The following C8orf58 variants were observed in gnomAD, a reference collection of about 807,000 sequenced individuals.
The protein encoded by C8orf58 is uncharacterized protein C8orf58.
In C8orf58, 31 loss-of-function variants were observed where a neutral mutation model predicts 36.8. The ratio of observed to expected loss-of-function variants is 0.84; its 90% CI spans 0.63 to 1.14. The LOEUF is 1.14. C8orf58 is among the 50% of genes most tolerant of loss of function. The pLI, the probability that C8orf58 is intolerant of heterozygous loss-of-function variation, is 0.00. For synonymous variants in C8orf58, 230 were observed against 200.2 expected (o/e 1.15, Z -1.26); for missense variants, 538 against 480.8 (o/e 1.12, Z -1.11).
rs1220160392 is a variant in C8orf58 at position 22,601,496 on chromosome 8, G to C, written c.516+139G>C. The C allele has an allele frequency of 4.3e-6, 4 of 928,908 alleles. No individual in the cohort carries two copies. In the African/African-American group the frequency reaches 6.7e-5, roughly 16 times the overall value. The allele number at this position is 928,908 out of a possible 1,614,324, so 57.5% of individuals were successfully genotyped here. The stretch of plus-strand genomic sequence containing the variant: ...TGTCATAGGTTCTTTCTGCACCCCA[G>C]TTCCATTTGTGCACGGCCACCTCTG... On this transcript the variant is annotated intron_variant, in intron 2 of 6. Coordinates refer to ENST00000289989, the MANE Select transcript of C8orf58 (RefSeq NM_001013842.3).
chr8:22,601,606 C>G, intron 2 of C8orf58, 106 bp from the exon 3 acceptor site: 2 of 1,351,418 alleles, frequency 1.5e-6, no homozygotes, highest in Non-Finnish European at 2.0e-6. Context: ...TGTTCCTCCT[C>G]GGGGCCCACT....
At chr8:22,601,626 T>A in intron 2 of C8orf58, 86 bp from the exon 3 acceptor site, 1 of 1,461,056 alleles carries the variant, frequency 6.8e-7, no homozygotes, top group African/African-American at 1.4e-5. Context: ...TCTGCTCCCA[T>A]CTGCTGGCTG....
At chr8:22,601,415 G>C in intron 2 of C8orf58, 58 bp downstream of exon 2, 1 of 1,351,738 alleles carries the variant, frequency 7.4e-7, no homozygotes, top group South Asian at 1.5e-5. Flanking sequence ...AGCTCCTCTG[G>C]TTCTCCCTGG....
In C8orf58 at chr8:22,601,717, G is replaced by T; in HGVS notation, c.522G>T (p.Gly174=). The T allele has an allele frequency of 6.2e-7, 1 of 1,607,126 alleles. No homozygotes were observed. The highest frequency in any genetic ancestry group is 2.2e-5 in the East Asian group (1 of 44,852). Reference sequence around the variant, plus strand: ...TATCTCACAATGTCCCACAGGTGGGGGGCCTGGGGCCTGGAGCCTGGGCCT... The same window carrying T: ...TATCTCACAATGTCCCACAGGTGGGTGGCCTGGGGCCTGGAGCCTGGGCCT... ...LEAGLEEEAV[G]GLGPGAWACL... is the part of the protein sequence containing the mutation. Residue 174 remains glycine, a synonymous_variant, in exon 3 of 7, where the codon GGG becomes GGT. Coordinates refer to ENST00000289989, the MANE Select transcript of C8orf58 (RefSeq NM_001013842.3).
At position 22,599,607 on chromosome 8, in the gene C8orf58, G is replaced by A. The variant is rs1452137949; in HGVS notation, c.-114G>A. Reference sequence around the variant, plus strand: ...CCCCAGCCCCGCTGGGAGTGTCTGGGGGCCGCGCCCAGCTGGGTCGGGACG... The same window carrying A: ...CCCCAGCCCCGCTGGGAGTGTCTGGAGGCCGCGCCCAGCTGGGTCGGGACG... On this transcript the variant is annotated 5_prime_UTR_variant, in exon 1 of 7. Coordinates refer to ENST00000289989, the MANE Select transcript of C8orf58 (RefSeq NM_001013842.3). 2 of 457,560 alleles carry A rather than the reference G, an allele frequency of 4.4e-6. No individual in the cohort carries two copies. Among genetic ancestry groups the A allele is most frequent in the Non-Finnish European group, 3.3e-6 (1 of 302,032 alleles). The allele number at this position is 457,560 out of a possible 1,614,324, so 28.3% of individuals were successfully genotyped here.
intron 1 of C8orf58, 128 bp downstream of exon 1, chr8:22,599,888 C>G (rs1262597754): frequency 2.4e-6 from 1 of 411,922 alleles, no homozygotes; most frequent in East Asian, 3.9e-5. Flanking sequence ...GCCCGCGCCG[C>G]TGCGCCTCCC....
At position 22,603,623 on chromosome 8, in the gene C8orf58, A is replaced by G. The variant is rs996468955; in HGVS notation, c.*317A>G. 4.6e-6 allele frequency: 2 copies of G among 435,818 alleles called. No homozygotes were observed. Among genetic ancestry groups the G allele is most frequent in the Non-Finnish European group, 8.6e-6 (2 of 232,514 alleles). The allele number at this position is 435,818 out of a possible 1,614,324, so 27.0% of individuals were successfully genotyped here. ...GCATGGTGACCTGTCTGGGCCCAGC[A>G]TGTTGCAGATGTGTATTTATGCGCA... On this transcript the variant is annotated 3_prime_UTR_variant, in exon 7 of 7. Coordinates refer to ENST00000289989, the MANE Select transcript of C8orf58 (RefSeq NM_001013842.3).
rs750265629 is a variant in C8orf58, at chr8:22,601,176, A to T, written c.335A>T (p.Gln112Leu). The change falls in exon 2 of 7, where the codon CAG (glutamine) becomes CTG (leucine). Residue 112 changes from glutamine to leucine, a missense_variant. Gln to Leu is a moderately radical substitution (Grantham distance 113). Transcript: ENST00000289989. ...CAGGTAGGCCGACTCCTGGCCAGCC[A>T]GAAGCTGGGGGAGGTGTTGGAGCGG... is the stretch of plus-strand genomic sequence containing the variant. ...PAQVGRLLAS[Q>L]KLGEVLERSR... The T allele has an allele frequency of 1.9e-6, 3 of 1,610,050 alleles. No homozygotes were observed. Among genetic ancestry groups the T allele is most frequent in the African/African-American group, 1.3e-5 (1 of 75,024 alleles).
Position 22,599,679 on chromosome 8 carries a change from TC to T in C8orf58, c.-41del. ...TCCGCGGGGACTCGGGCCGGGATCC[TC>T]GGGCGGCTGCATTGGCCGGGGCCGG... On this transcript the variant is annotated 5_prime_UTR_variant, in exon 1 of 7. Transcript: ENST00000289989. 1 of 1,145,984 alleles carries T rather than the reference TC, an allele frequency of 8.7e-7. No individual in the cohort carries two copies. The highest frequency in any genetic ancestry group is 4.4e-5 in the South Asian group (1 of 22,804). The allele number at this position is 1,145,984 out of a possible 1,614,324, so 71.0% of individuals were successfully genotyped here.
rs1370179981 is a variant in C8orf58 at position 22,604,040 on chromosome 8, A to G, written c.*734A>G. 2.6e-5 allele frequency: 4 copies of G among 155,512 alleles called. No individual in the cohort carries two copies. Among genetic ancestry groups the G allele is most frequent in the East Asian group, 1.9e-4 (1 of 5,226 alleles). 9.6% of individuals were successfully genotyped at this position (155,512 alleles called of 1,614,324 possible). A position where few individuals can be genotyped will look rare whatever the true frequency, so the allele number is the denominator to read the frequency against. On this transcript the variant is annotated 3_prime_UTR_variant, in exon 7 of 7. Coordinates refer to ENST00000289989, the MANE Select transcript of C8orf58 (RefSeq NM_001013842.3). ...GTACTAGTTTTTAGACCCCAAGTCAACCTTTCTGAGCCACAGCTTCCCGCT... is the reference window on the plus strand; with the variant it reads ...GTACTAGTTTTTAGACCCCAAGTCAGCCTTTCTGAGCCACAGCTTCCCGCT...
At position 22,602,037 on chromosome 8, in the gene C8orf58, G is replaced by A; in HGVS notation, c.723G>A (p.Arg241=). 6.3e-7 allele frequency: 1 copy of A among 1,581,530 alleles called. No individual in the cohort carries two copies. The highest frequency in any genetic ancestry group is 8.6e-7 in the Non-Finnish European group (1 of 1,160,078). ...LPSPLHTPGN[R]GQGPWELLSQ... ...CCCCGTTACACACCCCAGGCAATCG[G>A]GGGCAGGGGCCATGGGAGCTGCTAA... is the stretch of plus-strand genomic sequence containing the variant. The change falls in exon 4 of 7, where the codon CGG becomes CGA. Residue 241 remains arginine (R), a synonymous_variant. Coordinates refer to ENST00000289989, the MANE Select transcript of C8orf58 (RefSeq NM_001013842.3).
Position 22,603,634 on chromosome 8 carries a change from G to A in C8orf58, c.*328G>A, listed in dbSNP as rs536455322. 9.6e-6 allele frequency: 4 copies of A among 416,796 alleles called. No homozygotes were observed. Among genetic ancestry groups the A allele is most frequent in the African/African-American group, 8.1e-5 (4 of 49,378 alleles). The allele number at this position is 416,796 out of a possible 1,614,324, so 25.8% of individuals were successfully genotyped here. On this transcript the variant is annotated 3_prime_UTR_variant, in exon 7 of 7. Coordinates refer to ENST00000289989, the MANE Select transcript of C8orf58 (RefSeq NM_001013842.3). Reference sequence around the variant, plus strand: ...TGTCTGGGCCCAGCATGTTGCAGATGTGTATTTATGCGCAATGGTATGCAT... The same window carrying A: ...TGTCTGGGCCCAGCATGTTGCAGATATGTATTTATGCGCAATGGTATGCAT...
rs753548607 is a variant in C8orf58 at position 22,601,162 on chromosome 8, A to C, written c.321A>C (p.Arg107=). ...CTGAGCCCCCCGCCCAGGTAGGCCG[A>C]CTCCTGGCCAGCCAGAAGCTGGGGG... is the stretch of plus-strand genomic sequence containing the variant. ...GSSEPPAQVG[R]LLASQKLGEV... Residue 107 remains arginine (R), a synonymous_variant, in exon 2 of 7, where the codon CGA becomes CGC. Transcript: ENST00000289989. The C allele has an allele frequency of 5.0e-5, 80 of 1,609,688 alleles. No homozygotes were observed. In the Admixed American group the frequency reaches 7.8e-4, roughly 16 times the overall value.
intron 1 of C8orf58, 119 bp downstream of exon 1, chr8:22,599,879 C>T: frequency 2.2e-6 from 1 of 444,506 alleles, no homozygotes. Context: ...GCGGGCGGAG[C>T]CCGCGCCGCT....
Position 22,601,184 on chromosome 8 carries a change from G to A in C8orf58, c.343G>A (p.Gly115Arg), listed in dbSNP as rs751444263. Residue 115 changes from glycine to arginine, a missense_variant, in exon 2 of 7, where the codon GGG becomes AGG. Transcript: ENST00000289989. ...VGRLLASQKLGEVLERSRRLP... is the reference protein window; with the variant it reads ...VGRLLASQKLREVLERSRRLP... ...CCGACTCCTGGCCAGCCAGAAGCTG[G>A]GGGAGGTGTTGGAGCGGTCCCGCCG... 6.2e-7 allele frequency: 1 copy of A among 1,609,854 alleles called. No homozygotes were observed. The highest frequency in any genetic ancestry group is 8.5e-7 in the Non-Finnish European group (1 of 1,178,758).
At chr8:22,602,354 G>C (rs760433506) in intron 5 of C8orf58, 42 bp downstream of exon 5, 8 of 1,226,516 alleles carry the variant, frequency 6.5e-6, no homozygotes, top group South Asian at 6.5e-5. Flanking sequence ...GGGCTGGGGT[G>C]GGGGGAGGGG....
In C8orf58 at chr8:22,603,577, G is replaced by T; in HGVS notation, c.*271G>T. ...CACAATGTGAACTCACTCATTGTCA[G>T]GTGTCCGTGGAGTGTTTTTGGCATG... On this transcript the variant is annotated 3_prime_UTR_variant, in exon 7 of 7. Transcript: ENST00000289989. 1 of 514,450 alleles carries T rather than the reference G, an allele frequency of 1.9e-6. No homozygotes were observed. The highest frequency in any genetic ancestry group is 1.9e-5 in the African/African-American group (1 of 52,174). 31.9% of individuals were successfully genotyped at this position (514,450 alleles called of 1,614,324 possible).
chr8:22,602,460 C>T (rs749808207), intron 5 of C8orf58, 77 bp from the exon 6 acceptor site: 67 of 1,378,600 alleles, frequency 4.9e-5, no homozygotes, highest in East Asian at 1.2e-4. Context: ...CTGGCTGTGG[C>T]GACAGCTGTC....
chr8:22,601,659 T>A, intron 2 of C8orf58, 53 bp from the exon 3 acceptor site: 1 of 1,547,010 alleles, frequency 6.5e-7, no homozygotes, highest in Non-Finnish European at 8.7e-7. Context: ...CTGCTTAGGG[T>A]AGGGCAGGAG....
Sources: allele counts gnomAD v4.1 joint callset, GRCh38; gene constraint gnomAD v4.1.1; transcripts MANE v1.5; gene names NCBI Gene and HGNC (gene_info 2026-07-23, HGNC 2026-07-21).